Variants in IL34 observed in about 807,000 individuals in gnomAD.
The protein encoded by IL34 is interleukin-34.
A neutral mutation model predicts 25.3 loss-of-function variants in IL34; 17 were observed. That is an observed-to-expected ratio of 0.67 (90% CI 0.46 to 1.01). The LOEUF is 1.01. IL34 is among the 50% of genes least tolerant of loss of function. The pLI, the probability that IL34 is intolerant of heterozygous loss-of-function variation, is 0.00. For synonymous variants in IL34, 174 were observed against 140.9 expected (o/e 1.23, Z -1.66); for missense variants, 368 against 312.9 (o/e 1.18, Z -1.33).
upstream of IL34, among the ~76,000 whole-genome samples, chr16:70,644,391 A>G (rs1484436521): frequency 6.6e-6 from 1 of 152,110 alleles, no homozygotes; most frequent in Non-Finnish European, 1.5e-5. Flanking sequence ...GAATCTGAGT[A>G]ACTGCTATAT....
At chr16:70,639,113 T>C (rs1379461484) in intron 1 of IL34, among the ~76,000 whole-genome samples, 1 of 152,214 alleles carries the variant, frequency 6.6e-6, no homozygotes, top group Non-Finnish European at 1.5e-5. Context: ...GCTTGGGAGA[T>C]GCCCTTGGGA....
chr16:70,652,289 C>A (rs1013806058), intron 1 of IL34, among the ~76,000 whole-genome samples: 1 of 151,592 alleles, frequency 6.6e-6, no homozygotes, highest in Non-Finnish European at 1.5e-5. Context: ...GACCTCCTCT[C>A]TACAAAAAAT....
At chr16:70,645,807 A>G (rs1567461710), upstream of IL34, among the ~76,000 whole-genome samples, 1 of 152,156 alleles carries the variant, frequency 6.6e-6, no homozygotes, top group Non-Finnish European at 1.5e-5. Context: ...TAATCCCAGC[A>G]CTTTGGGAGG....
chr16:70,630,357 G>A (rs542185312), intron 1 of IL34, among the ~76,000 whole-genome samples: 1 of 152,060 alleles, frequency 6.6e-6, no homozygotes, highest in African/African-American at 2.4e-5. Context: ...TCAACCTCCC[G>A]AGTAGCTGGG....
intron 1 of IL34, among the ~76,000 whole-genome samples, chr16:70,585,801 G>A (rs548939851): frequency 1.8e-4 from 28 of 151,406 alleles, no homozygotes; most frequent in Non-Finnish European, 3.8e-4. Flanking sequence ...CAAAGTGCTG[G>A]GATTACAGGC....
intron 1 of IL34, among the ~76,000 whole-genome samples, chr16:70,588,525 C>T (rs2050718791): frequency 6.6e-6 from 1 of 151,790 alleles, no homozygotes; most frequent in South Asian, 2.1e-4. Context: ...AATAGAATCA[C>T]CATACAATCC....
intron 1 of IL34, among the ~76,000 whole-genome samples, chr16:70,639,719 C>T (rs1022284183): frequency 2.6e-5 from 4 of 152,092 alleles, no homozygotes; most frequent in South Asian, 2.1e-4. Context: ...CTTAGGGAGG[C>T]CGGGGTCGAG....
chr16:70,613,228 C>A (rs981884650), intron 1 of IL34, among the ~76,000 whole-genome samples: 2 of 152,178 alleles, frequency 1.3e-5, no homozygotes, highest in Non-Finnish European at 2.9e-5. Flanking sequence ...GAACTAATCT[C>A]CCTGGTAAGT....
At chr16:70,589,066 G>A (rs867620643) in intron 1 of IL34, among the ~76,000 whole-genome samples, 10 of 151,862 alleles carry the variant, frequency 6.6e-5, no homozygotes, top group Middle Eastern at 6.8e-3. Context: ...GCGTGGTGGC[G>A]GGCACCAGTA....
chr16:70,657,014 C>G lies in IL34; in HGVS notation c.295C>G (p.Leu99Val). 6 of 1,612,432 alleles carry G rather than the reference C, an allele frequency of 3.7e-6. No homozygotes were observed. The highest frequency in any genetic ancestry group is 5.1e-6 in the Non-Finnish European group (6 of 1,179,970). The change falls in exon 4 of 6, where the codon CTC (leucine) becomes GTC (valine). Residue 99 changes from leucine to valine, a missense_variant. Leu to Val is a conservative substitution (Grantham distance 32, BLOSUM62 1). Coordinates refer to ENST00000288098, the MANE Select transcript of IL34 (RefSeq NM_001393494.1). ...ELRYLWVLVS[L>V]SATESVQDVL... ...GCGGTATCTGTGGGTCTTGGTGAGCCTCAGTGCCACTGAGTCGGTGCAGGA... is the reference window on the plus strand; with the variant it reads ...GCGGTATCTGTGGGTCTTGGTGAGCGTCAGTGCCACTGAGTCGGTGCAGGA...
At chr16:70,659,882 G>A (rs2052347289) in intron 5 of IL34, 115 bp from the exon 6 acceptor site, 1 of 1,482,330 alleles carries the variant, frequency 6.7e-7, no homozygotes, top group Non-Finnish European at 9.1e-7. Context: ...GCCATTTCTG[G>A]AAGCCAGGAT....
At chr16:70,652,713 T>G (rs1168507751) in intron 1 of IL34, among the ~76,000 whole-genome samples, 1 of 88,710 alleles carries the variant, frequency 1.1e-5, no homozygotes, top group Non-Finnish European at 1.9e-5. Flanking sequence ...TGGTTATATC[T>G]TTTTTGCTTT....
At chr16:70,656,191 A>C (rs995150111) in intron 2 of IL34, among the ~76,000 whole-genome samples, 3 of 152,110 alleles carry the variant, frequency 2.0e-5, no homozygotes, top group Non-Finnish European at 4.4e-5. Flanking sequence ...TCTGCACAGG[A>C]CCACCTCTGC....
chr16:70,632,920 T>TTTAA (rs1777241858), intron 1 of IL34, among the ~76,000 whole-genome samples: 1 of 152,194 alleles, frequency 6.6e-6, no homozygotes, highest in Non-Finnish European at 1.5e-5. Context: ...TTGTTAAAAT[T>TTTAA]GGAGTATAAC....
chr16:70,652,919 T>C (rs2052116409), intron 1 of IL34, among the ~76,000 whole-genome samples: 1 of 152,110 alleles, frequency 6.6e-6, no homozygotes, highest in African/African-American at 2.4e-5. Context: ...GAGCTGGGTG[T>C]ATGACCGGGC....
intron 1 of IL34, chr16:70,654,283 G>A (rs545108168): frequency 1.2e-5 from 4 of 343,484 alleles, no homozygotes; most frequent in East Asian, 4.8e-5. Flanking sequence ...ACCCTGAGGC[G>A]TGCCTCCTGG....
chr16:70,584,409 G>A (rs1327753499), intron 1 of IL34, among the ~76,000 whole-genome samples: 1 of 152,194 alleles, frequency 6.6e-6, no homozygotes, highest in Non-Finnish European at 1.5e-5. Context: ...TGGATGGGTC[G>A]AGACTTGCCT....
intron 1 of IL34, among the ~76,000 whole-genome samples, chr16:70,627,838 A>T (rs942474394): frequency 6.6e-6 from 1 of 151,964 alleles, no homozygotes; most frequent in African/African-American, 2.4e-5. Flanking sequence ...ATTCTTTTGT[A>T]TCTGGTTTCT....
intron 1 of IL34, among the ~76,000 whole-genome samples, chr16:70,581,712 G>C (rs1487283540): frequency 6.6e-6 from 1 of 152,196 alleles, no homozygotes; most frequent in African/African-American, 2.4e-5. Flanking sequence ...TTTGTATGCA[G>C]TAGCTGCCTG....
Sources: gnomAD v4.1 joint callset for allele counts (sites outside exome capture counted in the v4.1 genomes callset) on GRCh38, gnomAD v4.1.1 for gene constraint, MANE v1.5 for transcripts, NCBI Gene and HGNC (gene_info 2026-07-23, HGNC 2026-07-21) for gene names.